The following CERS6 variants were observed in gnomAD, a reference collection of about 807,000 sequenced individuals.
CERS6 encodes LAG1 homolog, ceramide synthase 6.
Under a neutral mutation model 56.8 loss-of-function variants are expected in CERS6, and 26 were observed. The ratio of observed to expected loss-of-function variants is 0.46; its 90% CI spans 0.34 to 0.63. The LOEUF (loss-of-function observed/expected upper bound fraction) is 0.63, where lower values mean the gene tolerates loss of function less well. CERS6 is among the 30% of genes least tolerant of loss of function. The pLI, the probability that CERS6 is intolerant of heterozygous loss-of-function variation, is 0.01. For synonymous variants in CERS6, 164 were observed against 173.3 expected (o/e 0.95, Z 0.42); for missense variants, 415 against 467.5 (o/e 0.89, Z 1.04).
rs986491717 is a variant in CERS6, at chr2:168,456,316, GGCGGCGGCGGGCGGGAGCA to G, written c.-122_-104del. The stretch of plus-strand genomic sequence containing the variant: ...CGAGAGCAGCGGCCGCGGAGGAGGC[GGCGGCGGCGGGCGGGAGCA>G]GCGGCGGCGGCGGCACAGGCTCGGG... On this transcript the variant is annotated 5_prime_UTR_variant, in exon 1 of 10. Coordinates refer to ENST00000305747, the MANE Select transcript of CERS6 (RefSeq NM_203463.3). This position sits in a 1 kb window ranked among gnomAD's most constrained non-coding sequence, Gnocchi z 4.1. The G allele has an allele frequency of 2.6e-4, 100 of 384,208 alleles. No individual in the cohort carries two copies. Among genetic ancestry groups the G allele is most frequent in the Non-Finnish European group, 3.7e-4 (95 of 257,288 alleles). 23.8% of individuals were successfully genotyped at this position (384,208 alleles called of 1,614,324 possible).
Position 168,630,164 on chromosome 2 carries a change from C to CT in CERS6, c.408-810dup, listed in dbSNP as rs200868384. On this transcript the variant is annotated intron_variant, in intron 3 of 9. Coordinates refer to ENST00000305747, the MANE Select transcript of CERS6 (RefSeq NM_203463.3). Reference sequence around the variant, plus strand: ...TTAATTGTCTTTTCTTACAAGATAACTTTTTTTTTTTATGATATCAGGAAT... The same window carrying CT: ...TTAATTGTCTTTTCTTACAAGATAACTTTTTTTTTTTTATGATATCAGGAAT... 6.6e-4 allele frequency among the ~76,000 whole-genome samples: 97 copies of CT among 146,932 alleles called. No individual in the cohort carries two copies. In the South Asian group the frequency reaches 6.7e-3, roughly 10 times the overall value.
rs553396583 is a variant in CERS6, at chr2:168,751,428, T to C, written c.846-14164T>C. Among the ~76,000 whole-genome samples, 271 of 152,328 alleles carry C rather than the reference T, an allele frequency of 1.8e-3. 2 individuals are homozygous for C. Among genetic ancestry groups the C allele is most frequent in the African/African-American group, 5.7e-3 (237 of 41,578 alleles). ...TAAATAAATTAAGCTTTGTTCTCTC[T>C]TGAGGAATCTCATTCTTCCTGTTTA... On this transcript the variant is annotated intron_variant, in intron 8 of 9. Coordinates refer to ENST00000305747, the MANE Select transcript of CERS6 (RefSeq NM_203463.3).
chr2:168,461,342 A>G (rs987157221), intron 1 of CERS6, among the ~76,000 whole-genome samples: 1 of 151,742 alleles, frequency 6.6e-6, no homozygotes, highest in African/African-American at 2.4e-5. Flanking sequence ...AGTGGGCTTC[A>G]GGCCGGGTGC....
chr2:168,680,224 G>A (rs774373028), intron 4 of CERS6, among the ~76,000 whole-genome samples: 1 of 152,194 alleles, frequency 6.6e-6, no homozygotes, highest in Non-Finnish European at 1.5e-5. Context: ...GGAGAGCAGG[G>A]GATGCTGGCT....
chr2:168,503,212 C>T (rs926801933), intron 1 of CERS6, among the ~76,000 whole-genome samples: 1 of 152,152 alleles, frequency 6.6e-6, no homozygotes, highest in Non-Finnish European at 1.5e-5. Flanking sequence ...TTCTAAGTTT[C>T]CTGAGGCCTC....
chr2:168,633,782 T>A (rs1057076797), intron 4 of CERS6, among the ~76,000 whole-genome samples: 3 of 152,184 alleles, frequency 2.0e-5, no homozygotes, highest in African/African-American at 4.8e-5. Context: ...ATCTGTAGAA[T>A]ACCTTAAATT....
At chr2:168,748,713 C>G (rs77527528) in intron 8 of CERS6, among the ~76,000 whole-genome samples, 2,009 of 152,028 alleles carry the variant, frequency 0.013, 38 homozygotes, top group African/African-American at 0.045. Flanking sequence ...GTGGAAAAGG[C>G]TTTCAGATCT....
intron 4 of CERS6, among the ~76,000 whole-genome samples, chr2:168,653,907 AAT>A (rs1685405685): frequency 6.6e-6 from 1 of 152,206 alleles, no homozygotes; most frequent in Non-Finnish European, 1.5e-5. Context: ...GCATCATATT[AAT>A]ATTGGAAAGA....
At chr2:168,758,141 C>G (rs1011453397) in intron 8 of CERS6, among the ~76,000 whole-genome samples, 1 of 152,198 alleles carries the variant, frequency 6.6e-6, no homozygotes, top group African/African-American at 2.4e-5. Flanking sequence ...GATTAGTCAT[C>G]TTAGGTAGAA....
At chr2:168,715,196 C>G in intron 7 of CERS6, 67 bp downstream of exon 7, 4 of 1,428,342 alleles carry the variant, frequency 2.8e-6, no homozygotes, top group Non-Finnish European at 3.9e-6. Flanking sequence ...ATCTCATTAG[C>G]TCTTCAGTGT....
chr2:168,556,972 T>G (rs1695690894), intron 2 of CERS6, among the ~76,000 whole-genome samples: 2 of 112,472 alleles, frequency 1.8e-5, no homozygotes, highest in African/African-American at 6.7e-5. Context: ...CCAGGCAACA[T>G]GGTGAAACCT....
intron 1 of CERS6, among the ~76,000 whole-genome samples, chr2:168,491,449 A>G (rs1030512603): frequency 6.6e-6 from 1 of 152,110 alleles, no homozygotes; most frequent in African/African-American, 2.4e-5. Context: ...TTATCATATT[A>G]GTATATTTTC....
chr2:168,564,947 G>A lies in CERS6; in HGVS notation c.407+3625G>A, dbSNP rs529307331. On this transcript the variant is annotated intron_variant, in intron 3 of 9. Transcript: ENST00000305747. ...CAGGACTCTGCCAAATAAATAATTT[G>A]TTATGACTGTGTGTTAAAATGGCAT... is the stretch of plus-strand genomic sequence containing the variant. Among the ~76,000 whole-genome samples, 5 of 152,274 alleles carry A rather than the reference G, an allele frequency of 3.3e-5. No homozygotes were observed. The Middle Eastern group carries it at 0.017, about 518-fold the overall frequency.
intron 1 of CERS6, among the ~76,000 whole-genome samples, chr2:168,469,063 A>C (rs1444725792): frequency 6.6e-6 from 1 of 152,270 alleles, no homozygotes; most frequent in East Asian, 1.9e-4. Context: ...AAAGAAATTC[A>C]GTCTAGTGAC....
chr2:168,460,270 C>T lies in CERS6; in HGVS notation c.170+3652C>T, dbSNP rs145732633. ...AGTGCAGTGGCATGATCATGGCTCA[C>T]TGCAACCTCCACCTCCTGGGCTCAA... On this transcript the variant is annotated intron_variant, in intron 1 of 9. Coordinates refer to ENST00000305747, the MANE Select transcript of CERS6 (RefSeq NM_203463.3). Among the ~76,000 whole-genome samples, 917 of 152,064 alleles carry T rather than the reference C, an allele frequency of 6.0e-3. 9 individuals carry two copies. The highest frequency in any genetic ancestry group is 0.02 in the African/African-American group (823 of 41,448).
chr2:168,465,999 A>G (rs1050810978), intron 1 of CERS6, among the ~76,000 whole-genome samples: 1 of 150,432 alleles, frequency 6.6e-6, no homozygotes, highest in African/African-American at 2.4e-5. Flanking sequence ...TCTCAGTTTC[A>G]TCAAGCACTG....
intron 4 of CERS6, among the ~76,000 whole-genome samples, chr2:168,633,666 A>G (rs1049646055): frequency 6.6e-6 from 1 of 152,184 alleles, no homozygotes; most frequent in Non-Finnish European, 1.5e-5. Context: ...TTTTAAAAAT[A>G]TTTTTATTAA....
chr2:168,672,729 C>T (rs530306851), intron 4 of CERS6, among the ~76,000 whole-genome samples: 2 of 152,298 alleles, frequency 1.3e-5, no homozygotes, highest in East Asian at 3.9e-4. Context: ...ATCTTATATT[C>T]AGCAAATCTC....
chr2:168,536,251 C>T (rs571361964), intron 1 of CERS6, among the ~76,000 whole-genome samples: 6 of 152,250 alleles, frequency 3.9e-5, no homozygotes, highest in African/African-American at 1.4e-4. Flanking sequence ...GGACTTTGAT[C>T]AGAGTTCTGT....
Sources: gnomAD v4.1 joint callset for allele counts (sites outside exome capture counted in the v4.1 genomes callset) on GRCh38, gnomAD v4.1.1 for gene constraint, Gnocchi (gnomAD v3.1) non-coding constraint, MANE v1.5 for transcripts, NCBI Gene and HGNC (gene_info 2026-07-23, HGNC 2026-07-21) for gene names.